The following PDE4D variants were observed in gnomAD, a reference collection of about 807,000 sequenced individuals.
The protein encoded by PDE4D is 3',5'-cyclic-AMP phosphodiesterase 4D.
Under a neutral mutation model 87.4 loss-of-function variants are expected in PDE4D, and 24 were observed. The ratio of observed to expected loss-of-function variants is 0.27; its 90% CI spans 0.20 to 0.39. The LOEUF (loss-of-function observed/expected upper bound fraction) is 0.39, where lower values mean the gene tolerates loss of function less well. PDE4D is among the 10% of genes least tolerant of loss of function. PDE4D has a pLI of 1.00. For synonymous variants in PDE4D, 384 were observed against 383.2 expected (o/e 1.00, Z -0.02); for missense variants, 714 against 1,041.0 (o/e 0.69, Z 4.32).
At chr5:59,588,575 A>G (rs1245311857) in intron 1 of PDE4D, among the ~76,000 whole-genome samples, 3 of 152,242 alleles carry the variant, frequency 2.0e-5, no homozygotes, top group Non-Finnish European at 4.4e-5. Context: ...ATATTACCCA[A>G]GATTGGGTGG....
intron 1 of PDE4D, among the ~76,000 whole-genome samples, chr5:59,742,994 G>T (rs1759079278): frequency 6.6e-6 from 1 of 152,146 alleles, no homozygotes; most frequent in East Asian, 1.9e-4. Flanking sequence ...CGATACTATT[G>T]CACTAATACT....
At chr5:59,403,285 A>C (rs1329476268) in intron 1 of PDE4D, among the ~76,000 whole-genome samples, 2 of 152,036 alleles carry the variant, frequency 1.3e-5, no homozygotes, top group Non-Finnish European at 2.9e-5. Context: ...GCAAACATTT[A>C]CCCTTTAAGT....
intron 2 of PDE4D, among the ~76,000 whole-genome samples, chr5:60,114,253 T>G (rs1777939323): frequency 6.6e-6 from 1 of 152,156 alleles, no homozygotes. Flanking sequence ...AGATGGCAAC[T>G]TAGTTTTTAA....
intron 1 of PDE4D, among the ~76,000 whole-genome samples, chr5:60,471,265 C>A (rs1203565036): frequency 6.6e-6 from 1 of 152,056 alleles, no homozygotes. Context: ...TTTCTGCAAT[C>A]CCATGATAAA....
chr5:59,516,542 T>C (rs1811184225), intron 1 of PDE4D, among the ~76,000 whole-genome samples: 1 of 152,218 alleles, frequency 6.6e-6, no homozygotes, highest in Non-Finnish European at 1.5e-5. Flanking sequence ...TTCTAATTTT[T>C]TCATAGAAAA....
At chr5:59,366,171 T>C (rs1783027319) in intron 1 of PDE4D, among the ~76,000 whole-genome samples, 1 of 152,206 alleles carries the variant, frequency 6.6e-6, no homozygotes, top group Non-Finnish European at 1.5e-5. Context: ...GTGATTATCA[T>C]ATTAGGTGAG....
chr5:60,044,786 C>A (rs1445664848), intron 2 of PDE4D, among the ~76,000 whole-genome samples: 2 of 152,128 alleles, frequency 1.3e-5, no homozygotes, highest in Admixed American at 1.3e-4. Context: ...TGGGTTGGTT[C>A]CAAGTCTTTG....
At chr5:59,685,289 T>A (rs1749666368) in intron 1 of PDE4D, among the ~76,000 whole-genome samples, 2 of 152,176 alleles carry the variant, frequency 1.3e-5, no homozygotes, top group Admixed American at 6.6e-5. Context: ...CTCACGTAGG[T>A]CTTTACTAAA....
At chr5:60,164,969 T>C (rs997126674) in intron 2 of PDE4D, among the ~76,000 whole-genome samples, 1 of 152,180 alleles carries the variant, frequency 6.6e-6, no homozygotes, top group Non-Finnish European at 1.5e-5. Context: ...GTCACCATGC[T>C]CAGAAATAAA....
At chr5:59,212,834 A>T (rs1750368036) in intron 2 of PDE4D, among the ~76,000 whole-genome samples, 2 of 151,944 alleles carry the variant, frequency 1.3e-5, no homozygotes. Context: ...CGCCTATTTA[A>T]CATTGTTTAT....
intron 11 of PDE4D, among the ~76,000 whole-genome samples, chr5:58,979,943 G>A (rs1744706406): frequency 6.6e-6 from 1 of 152,090 alleles, no homozygotes. Context: ...GCTTCCCCTA[G>A]GCACTTCAAT....
intron 1 of PDE4D, among the ~76,000 whole-genome samples, chr5:59,351,538 G>A (rs1365250171): frequency 6.6e-6 from 1 of 152,102 alleles, no homozygotes; most frequent in Non-Finnish European, 1.5e-5. Flanking sequence ...TGAACAGCTG[G>A]CCAAGGAGTA....
intron 3 of PDE4D, among the ~76,000 whole-genome samples, chr5:59,956,340 A>T (rs935916766): frequency 1.5e-4 from 23 of 152,152 alleles, no homozygotes; most frequent in African/African-American, 4.1e-4. Context: ...GGCTGCCCCT[A>T]CCTTGTCTAT....
At chr5:59,587,887 G>C (rs1398577977) in intron 1 of PDE4D, among the ~76,000 whole-genome samples, 1 of 152,006 alleles carries the variant, frequency 6.6e-6, no homozygotes, top group African/African-American at 2.4e-5. Flanking sequence ...CAAATACGGA[G>C]GGAGGATTTT....
intron 2 of PDE4D, among the ~76,000 whole-genome samples, chr5:60,058,785 G>A (rs1431710256): frequency 1.3e-5 from 2 of 151,808 alleles, no homozygotes; most frequent in East Asian, 1.9e-4. Context: ...AAAATTAAAA[G>A]GCAGTATTGT....
At chr5:59,303,379 AG>A (rs1770652715) in intron 1 of PDE4D, among the ~76,000 whole-genome samples, 1 of 151,936 alleles carries the variant, frequency 6.6e-6, no homozygotes, top group Non-Finnish European at 1.5e-5. Context: ...GCCCTGCAAA[AG>A]CTCGTAAAGT....
At chr5:59,430,344 T>A (rs920569273) in intron 1 of PDE4D, 1 of 1,231,242 alleles carries the variant, frequency 8.1e-7, no homozygotes, top group African/African-American at 1.6e-5. Flanking sequence ...CGTATGGTGA[T>A]CCATGAACAT....
chr5:59,709,140 T>A (rs1346160718), intron 1 of PDE4D, among the ~76,000 whole-genome samples: 1 of 152,130 alleles, frequency 6.6e-6, no homozygotes, highest in African/African-American at 2.4e-5. Context: ...ACTAAAATGA[T>A]CAAGCTAGAG....
At chr5:59,565,135 A>C (rs1467864853) in intron 1 of PDE4D, among the ~76,000 whole-genome samples, 2 of 152,144 alleles carry the variant, frequency 1.3e-5, no homozygotes, top group Non-Finnish European at 2.9e-5. Flanking sequence ...TGTAGGAAGG[A>C]GATGGGCTCC....
Sources: gnomAD v4.1 joint callset for allele counts (sites outside exome capture counted in the v4.1 genomes callset) on GRCh38, gnomAD v4.1.1 for gene constraint, MANE v1.5 for transcripts, NCBI Gene and HGNC (gene_info 2026-07-23, HGNC 2026-07-21) for gene names.